NDUFV2: variants seen among roughly 807,000 people sequenced by gnomAD.
NDUFV2 encodes the protein NADH dehydrogenase [ubiquinone] flavoprotein 2, mitochondrial.
Under a neutral mutation model 31.6 loss-of-function variants are expected in NDUFV2, and 18 were observed. The observed-to-expected ratio is 0.57, with a 90% CI of 0.39 to 0.84. NDUFV2 has a LOEUF of 0.84. NDUFV2 is among the 40% of genes least tolerant of loss of function. The probability of loss-of-function intolerance (pLI) is 0.00; values close to 1 mark genes in which losing one functional copy is unlikely to be tolerated. For synonymous variants in NDUFV2, 83 were observed against 99.8 expected, an observed-to-expected ratio of 0.83 and a Z score of 1.01; for missense variants, 314 against 303.6, an observed-to-expected ratio of 1.03 and a Z score of -0.26.
chr18:9,113,773 A>G (rs1449723847), intron 1 of NDUFV2, among the ~76,000 whole-genome samples: 5 of 152,090 alleles, frequency 3.3e-5, no homozygotes, highest in African/African-American at 4.8e-5. Flanking sequence ...TGCTTGCTCA[A>G]TCGATCACGA....
chr18:9,134,189 T>G lies in NDUFV2; in HGVS notation c.660T>G (p.Ser220Arg). 5 of 1,612,266 alleles carry G rather than the reference T, an allele frequency of 3.1e-6. No individual in the cohort carries two copies. Among genetic ancestry groups the G allele is most frequent in the Non-Finnish European group, 4.2e-6 (5 of 1,178,634 alleles). Residue 220 changes from serine to arginine, a missense_variant, in exon 8 of 8, where the codon AGT becomes AGG. Physicochemically the swap from Ser to Arg is moderately radical, Grantham distance 110 (BLOSUM62 -1). Coordinates refer to ENST00000318388, the MANE Select transcript of NDUFV2 (RefSeq NM_021074.5). ...AGKIPKPGPR[S>R]GRFSCEPAGG... ...TTAATATTACTTTTCATTTCAGGAG[T>G]GGACGCTTCTCTTGTGAGCCAGCTG...
Position 9,119,332 on chromosome 18 carries a change from G to T in NDUFV2, c.127G>T (p.Asp43Tyr). Residue 43 changes from aspartate to tyrosine, a missense_variant, in exon 3 of 8, where the codon GAT becomes TAT. Coordinates refer to ENST00000318388, the MANE Select transcript of NDUFV2 (RefSeq NM_021074.5). ...AACTGTTTTTGTTGTGTAGCACAGA[G>T]ATACTCCTGAGAATAACCCTGATAC... Reference protein sequence around the residue: ...GAGGALFVHRDTPENNPDTPF... With the variant: ...GAGGALFVHRYTPENNPDTPF... 1 of 1,612,554 alleles carries T rather than the reference G, an allele frequency of 6.2e-7. No homozygotes were observed. Among genetic ancestry groups the T allele is most frequent in the Non-Finnish European group, 8.5e-7 (1 of 1,178,740 alleles).
At position 9,134,178 on chromosome 18, in the gene NDUFV2, C is replaced by T; in HGVS notation, c.657-8C>T. On this transcript the variant is annotated splice_polypyrimidine_tract_variant and splice_region_variant and intron_variant, in intron 7 of 7. Coordinates refer to ENST00000318388, the MANE Select transcript of NDUFV2 (RefSeq NM_021074.5). ...TCATTAATAGTTTAATATTACTTTT[C>T]ATTTCAGGAGTGGACGCTTCTCTTG... is the stretch of plus-strand genomic sequence containing the variant. The T allele has an allele frequency of 6.2e-7, 1 of 1,607,778 alleles. No homozygotes were observed. Among genetic ancestry groups the T allele is most frequent in the South Asian group, 1.1e-5 (1 of 90,890 alleles).
intron 4 of NDUFV2, among the ~76,000 whole-genome samples, chr18:9,120,063 C>T (rs17413344): frequency 0.063 from 9,643 of 152,114 alleles, 328 homozygotes; most frequent in Non-Finnish European, 0.079. Flanking sequence ...TTGGAATCAA[C>T]GACCTATAGA....
At chr18:9,106,016 T>G (rs2077840050) in intron 1 of NDUFV2, among the ~76,000 whole-genome samples, 1 of 152,218 alleles carries the variant, frequency 6.6e-6, no homozygotes, top group African/African-American at 2.4e-5. Flanking sequence ...TCCTGTTTTA[T>G]TCCTCCAAAT....
Position 9,117,690 on chromosome 18 carries a change from T to C in NDUFV2, c.55-148T>C, listed in dbSNP as rs1474834085. 9 of 588,678 alleles carry C rather than the reference T, an allele frequency of 1.5e-5. No homozygotes were observed. In the East Asian group the frequency reaches 2.0e-4, roughly 13 times the overall value. 36.5% of individuals were successfully genotyped at this position (588,678 alleles called of 1,614,324 possible). On this transcript the variant is annotated intron_variant, in intron 1 of 7. Coordinates refer to ENST00000318388, the MANE Select transcript of NDUFV2 (RefSeq NM_021074.5). ...CATTTGTAAAATAACTCTCCTGAAA[T>C]AGAGATGGATAGGGTAGAATACCAT...
chr18:9,116,900 G>A (rs953937735), intron 1 of NDUFV2, among the ~76,000 whole-genome samples: 1 of 152,102 alleles, frequency 6.6e-6, no homozygotes, highest in Admixed American at 6.6e-5. Context: ...ACTTGGGGGC[G>A]GGGGACAGGG....
chr18:9,126,955 A>G (rs781168297), intron 7 of NDUFV2, 48 bp downstream of exon 7: 1 of 1,441,192 alleles, frequency 6.9e-7, no homozygotes, highest in Non-Finnish European at 9.8e-7. Flanking sequence ...ACCTAAATTA[A>G]TCTTTCAGAT....
intron 7 of NDUFV2, 146 bp from the exon 8 acceptor site, chr18:9,134,040 G>A: frequency 1.7e-6 from 1 of 595,506 alleles, no homozygotes; most frequent in Non-Finnish European, 3.0e-6. Flanking sequence ...TCTTGCATCA[G>A]TTGAAATGTT....
rs992657654 is a variant in NDUFV2 at position 9,124,897 on chromosome 18, C to T, written c.493C>T (p.Pro165Ser). The change falls in exon 6 of 8, where the codon CCT becomes TCT. Residue 165 changes from proline to serine, a missense_variant. By Grantham distance (74) the Pro-to-Ser change is moderately conservative. Coordinates refer to ENST00000318388, the MANE Select transcript of NDUFV2 (RefSeq NM_021074.5). Reference sequence around the variant, plus strand: ...AGGAATAAAGGTTGGGGAGACTACACCTGACAAACTTTTCACTCTTATAGA... The same window carrying T: ...AGGAATAAAGGTTGGGGAGACTACATCTGACAAACTTTTCACTCTTATAGA... Reference protein sequence around the residue: ...KLGIKVGETTPDKLFTLIEVE... With the variant: ...KLGIKVGETTSDKLFTLIEVE... 3.1e-6 allele frequency: 5 copies of T among 1,612,112 alleles called. No homozygotes were observed. The African/African-American group carries it at 5.4e-5, about 17-fold the overall frequency.
chr18:9,106,026 T>C (rs2077840128), intron 1 of NDUFV2, among the ~76,000 whole-genome samples: 1 of 152,222 alleles, frequency 6.6e-6, no homozygotes, highest in Non-Finnish European at 1.5e-5. Context: ...TTCCTCCAAA[T>C]AGTGTGTTTT....
rs922151135 is a variant in NDUFV2 at position 9,133,206 on chromosome 18, A to G, written c.657-980A>G. Among the ~76,000 whole-genome samples, 3 of 152,238 alleles carry G rather than the reference A, an allele frequency of 2.0e-5. No individual in the cohort carries two copies. In the East Asian group the frequency reaches 5.8e-4, roughly 29 times the overall value. On this transcript the variant is annotated intron_variant, in intron 7 of 7. Transcript: ENST00000318388. ...ACAGACTTAAAGGATTGATGACACA[A>G]TGTGAAGGGCAAAGCCAGAGGGGGT...
At position 9,122,778 on chromosome 18, in the gene NDUFV2, T is replaced by C. The variant is rs115980625; in HGVS notation, c.469+97T>C. 1.2e-4 allele frequency: 142 copies of C among 1,211,644 alleles called. No individual in the cohort carries two copies. The African/African-American group carries it at 1.6e-3, about 14-fold the overall frequency. 75.1% of individuals were successfully genotyped at this position (1,211,644 alleles called of 1,614,324 possible). On this transcript the variant is annotated intron_variant, in intron 5 of 7. Coordinates refer to ENST00000318388, the MANE Select transcript of NDUFV2 (RefSeq NM_021074.5). The stretch of plus-strand genomic sequence containing the variant: ...CTAAAATTTCCAACTTCTGCCATCT[T>C]ATTGGATCTGTACTTACCTAGTAAT...
chr18:9,116,836 G>A (rs549922910), intron 1 of NDUFV2, among the ~76,000 whole-genome samples: 112 of 152,140 alleles, frequency 7.4e-4, no homozygotes, highest in African/African-American at 2.4e-3. Flanking sequence ...GTGTTCTGCC[G>A]TCTGTGGTTA....
intron 1 of NDUFV2, chr18:9,103,098 A>C (rs1250494007): frequency 2.4e-6 from 1 of 421,968 alleles, no homozygotes; most frequent in Non-Finnish European, 4.2e-6. Context: ...GTAGCGCAGA[A>C]TCTAGGCCTG....
chr18:9,127,629 G>A (rs1356443637), intron 7 of NDUFV2, among the ~76,000 whole-genome samples: 4 of 152,120 alleles, frequency 2.6e-5, no homozygotes, highest in East Asian at 1.9e-4. Context: ...CAGCCACCAC[G>A]CCCGGCTAAT....
intron 1 of NDUFV2, among the ~76,000 whole-genome samples, chr18:9,105,831 A>G (rs551644643): frequency 6.6e-6 from 1 of 152,270 alleles, no homozygotes; most frequent in African/African-American, 2.4e-5. Context: ...TTCATCGAGG[A>G]TATTTTCCTT....
At chr18:9,120,460 C>A (rs1394060768) in intron 4 of NDUFV2, among the ~76,000 whole-genome samples, 1 of 152,154 alleles carries the variant, frequency 6.6e-6, no homozygotes, top group East Asian at 1.9e-4. Flanking sequence ...TAAATCAGTG[C>A]ATTTTCTACT....
At chr18:9,104,306 G>T in intron 1 of NDUFV2, 1 of 1,606,982 alleles carries the variant, frequency 6.2e-7, no homozygotes, top group Non-Finnish European at 8.5e-7. Context: ...TAAAGAATTT[G>T]ATTTTAGAGG....
Sources: allele counts gnomAD v4.1 joint callset (sites outside exome capture counted in the v4.1 genomes callset), GRCh38; gene constraint gnomAD v4.1.1; transcripts MANE v1.5; gene names NCBI Gene and HGNC (gene_info 2026-07-23, HGNC 2026-07-21).